DPYD: variants seen among roughly 807,000 people sequenced by gnomAD.
DPYD encodes the protein dihydropyrimidine dehydrogenase [NADP(+)].
A neutral mutation model predicts 116.2 loss-of-function variants in DPYD; 109 were observed. The ratio of observed to expected loss-of-function variants is 0.94; its 90% CI spans 0.80 to 1.10. The LOEUF (loss-of-function observed/expected upper bound fraction) is 1.10, where lower values mean the gene tolerates loss of function less well. Ranked by LOEUF, DPYD falls within the 50% of genes least tolerant of loss-of-function variation. The pLI is 0.00. For missense variants in DPYD, 1,302 were observed against 1,254.5 expected (o/e 1.04, Z -0.57); for synonymous variants, 440 against 432.0 (o/e 1.02, Z -0.23).
intron 16 of DPYD, among the ~76,000 whole-genome samples, chr1:97,360,538 G>T (rs1465825915): frequency 6.6e-6 from 1 of 152,098 alleles, no homozygotes; most frequent in African/African-American, 2.4e-5. Flanking sequence ...TTCCAAAATT[G>T]ACCACATAGT....
chr1:97,601,587 C>T (rs763622445), intron 8 of DPYD, among the ~76,000 whole-genome samples: 113 of 151,874 alleles, frequency 7.4e-4, no homozygotes, highest in Non-Finnish European at 1.3e-3. Flanking sequence ...CTAAGCATGT[C>T]GCAGTTCCAC....
chr1:97,318,654 C>A (rs1463799167), intron 16 of DPYD, among the ~76,000 whole-genome samples: 1 of 151,592 alleles, frequency 6.6e-6, no homozygotes, highest in Admixed American at 6.6e-5. Flanking sequence ...ACCCCACTGT[C>A]AACATTAGAC....
chr1:97,714,999 T>C (rs981204356), intron 5 of DPYD, among the ~76,000 whole-genome samples: 32 of 152,280 alleles, frequency 2.1e-4, no homozygotes, highest in African/African-American at 7.0e-4. Flanking sequence ...CTGTTACTCA[T>C]ATGTAAAATG....
In DPYD at chr1:97,580,041, C is replaced by T. The variant is rs1322011763; in HGVS notation, c.1129-6071G>A. 3.9e-5 allele frequency among the ~76,000 whole-genome samples: 6 copies of T among 152,156 alleles called. No homozygotes were observed. The East Asian group carries it at 1.2e-3, about 29-fold the overall frequency. On this transcript the variant is annotated intron_variant, in intron 10 of 22. Coordinates refer to ENST00000370192, the MANE Select transcript of DPYD (RefSeq NM_000110.4). ...GATTTGGTCTGATTAATATTACAGG[C>T]ATCATACTCTAGAAATTATGAAACA...
At chr1:97,257,085 C>T (rs1362475036) in intron 18 of DPYD, among the ~76,000 whole-genome samples, 2 of 151,748 alleles carry the variant, frequency 1.3e-5, no homozygotes, top group Non-Finnish European at 2.9e-5. Context: ...TTTAACATAC[C>T]ACAATGGAAA....
chr1:97,494,325 T>G (rs951952434), intron 13 of DPYD, among the ~76,000 whole-genome samples: 7 of 152,182 alleles, frequency 4.6e-5, no homozygotes, highest in African/African-American at 1.7e-4. Context: ...GCCTGCTAAT[T>G]AGCTGGGACT....
intron 13 of DPYD, among the ~76,000 whole-genome samples, chr1:97,463,081 T>C (rs1293779371): frequency 1.3e-5 from 2 of 152,254 alleles, no homozygotes; most frequent in African/African-American, 4.8e-5. Flanking sequence ...CCTGCCTTTC[T>C]GGACCAAACC....
intron 12 of DPYD, among the ~76,000 whole-genome samples, chr1:97,525,758 T>TAGAGAGAGAGAGAG (rs58098297): frequency 0.028 from 3,038 of 108,442 alleles, 100 homozygotes; most frequent in African/African-American, 0.064. Context: ...CCTGGGTAAT[T>TAGAGAGAGAGAGAG]AGAGAGAGAG....
At chr1:97,562,660 G>A (rs1652232729) in intron 11 of DPYD, among the ~76,000 whole-genome samples, 1 of 152,106 alleles carries the variant, frequency 6.6e-6, no homozygotes, top group Admixed American at 6.6e-5. Context: ...TATTTTGGGA[G>A]TAGATATTGA....
At chr1:97,197,442 C>T (rs1658893785) in intron 19 of DPYD, among the ~76,000 whole-genome samples, 1 of 152,116 alleles carries the variant, frequency 6.6e-6, no homozygotes, top group Non-Finnish European at 1.5e-5. Flanking sequence ...TTGAAAATCA[C>T]ATAATGTCAT....
At chr1:97,125,494 T>C (rs1035194691) in intron 20 of DPYD, among the ~76,000 whole-genome samples, 3 of 152,122 alleles carry the variant, frequency 2.0e-5, no homozygotes, top group Non-Finnish European at 4.4e-5. Context: ...TTATTGTAAC[T>C]ATGCTGAATA....
At chr1:97,561,988 T>C (rs151255603) in intron 11 of DPYD, among the ~76,000 whole-genome samples, 97 of 152,336 alleles carry the variant, frequency 6.4e-4, no homozygotes, top group Middle Eastern at 3.4e-3. Flanking sequence ...GGTAACTTTA[T>C]TTGCATGCAT....
intron 12 of DPYD, among the ~76,000 whole-genome samples, chr1:97,534,044 C>G (rs559475279): frequency 6.6e-6 from 1 of 152,084 alleles, no homozygotes; most frequent in African/African-American, 2.4e-5. Context: ...TTCCTAAACT[C>G]GGTGTCCTCA....
chr1:97,823,751 T>C (rs905911048), intron 3 of DPYD, among the ~76,000 whole-genome samples: 3 of 151,390 alleles, frequency 2.0e-5, no homozygotes, highest in Non-Finnish European at 4.4e-5. Flanking sequence ...CCCATCTCAA[T>C]CTCAAAAGTC....
At chr1:97,416,859 A>G (rs1310806475) in intron 14 of DPYD, among the ~76,000 whole-genome samples, 4 of 152,190 alleles carry the variant, frequency 2.6e-5, no homozygotes. Context: ...CTTCATGTGC[A>G]GCCTTAAGGA....
chr1:97,479,626 C>T (rs1428754319), intron 13 of DPYD, among the ~76,000 whole-genome samples: 9 of 152,172 alleles, frequency 5.9e-5, no homozygotes, highest in Admixed American at 5.2e-4. Context: ...TGAGCACATG[C>T]TATTAAAAAG....
At position 97,335,360 on chromosome 1, in the gene DPYD, A is replaced by G. The variant is rs201169320; in HGVS notation, c.2059-29063T>C. Reference sequence around the variant, plus strand: ...CACACACACACGATGCCTGGGATCCAGAATTCCTGAAGAATCTCAGGAAAA... The same window carrying G: ...CACACACACACGATGCCTGGGATCCGGAATTCCTGAAGAATCTCAGGAAAA... On this transcript the variant is annotated intron_variant, in intron 16 of 22. Transcript: ENST00000370192. Among the ~76,000 whole-genome samples the G allele has an allele frequency of 1.3e-4, 19 of 151,542 alleles. 1 individual carries two copies. The East Asian group carries it at 2.5e-3, about 20-fold the overall frequency.
chr1:97,334,007 C>T (rs938030824), intron 16 of DPYD, among the ~76,000 whole-genome samples: 11 of 152,178 alleles, frequency 7.2e-5, no homozygotes, highest in South Asian at 2.1e-4. Flanking sequence ...GCATTATAAA[C>T]GACTTTAGTT....
At chr1:97,285,417 C>T (rs79204295) in intron 18 of DPYD, among the ~76,000 whole-genome samples, 11,659 of 152,102 alleles carry the variant, frequency 0.077, 1,006 homozygotes, top group African/African-American at 0.21. Context: ...TTTATCTATT[C>T]GTAGTTTAGA....
Sources: allele counts gnomAD v4.1 joint callset (sites outside exome capture counted in the v4.1 genomes callset), GRCh38; gene constraint gnomAD v4.1.1; transcripts MANE v1.5; gene names NCBI Gene and HGNC (gene_info 2026-07-23, HGNC 2026-07-21).